NICOL1: variants seen among roughly 807,000 people sequenced by gnomAD.
NICOL1 encodes the protein NELL2 interacting cell ontogeny regulator 1.
chr4:2,042,052 G>C, the NICOL1 span: 1 of 1,475,330 alleles, frequency 6.8e-7, no homozygotes, highest in Non-Finnish European at 8.9e-7. Context: ...TGCTGGTCCC[G>C]GGGTCCCTGA....
At chr4:2,042,654 G>C in the NICOL1 span, 1 of 765,282 alleles carries the variant, frequency 1.3e-6, no homozygotes, top group Admixed American at 3.2e-5. Context: ...CTTTGGCACT[G>C]GGTGGACGGG....
chr4:2,039,128 T>G, the NICOL1 span, among the ~76,000 whole-genome samples: 3 of 152,164 alleles, frequency 2.0e-5, no homozygotes, highest in African/African-American at 7.2e-5. Context: ...AAAGAATACA[T>G]TATGGCTGAA....
the NICOL1 span, chr4:2,042,855 G>A: frequency 7.0e-7 from 1 of 1,430,184 alleles, no homozygotes; most frequent in Non-Finnish European, 9.2e-7. Context: ...GGTCCTCCCG[G>A]GCTTCCCAGG....
the NICOL1 span, among the ~76,000 whole-genome samples, chr4:2,040,008 A>T: frequency 6.6e-6 from 1 of 152,164 alleles, no homozygotes; most frequent in East Asian, 1.9e-4. Context: ...AAGGAAACAG[A>T]AACAACATCC....
the NICOL1 span, chr4:2,042,888 G>T: frequency 8.7e-7 from 1 of 1,151,076 alleles, no homozygotes; most frequent in South Asian, 1.6e-5. Flanking sequence ...CAGGGAGGAT[G>T]AGGAAGAGGC....
At chr4:2,038,830 G>A in the NICOL1 span, among the ~76,000 whole-genome samples, 1 of 152,130 alleles carries the variant, frequency 6.6e-6, no homozygotes, top group East Asian at 1.9e-4. Context: ...GTTATTTAGT[G>A]TCTTGCTATA....
the NICOL1 span, among the ~76,000 whole-genome samples, chr4:2,040,777 C>T: frequency 6.6e-6 from 1 of 152,182 alleles, no homozygotes; most frequent in South Asian, 2.1e-4. Flanking sequence ...GCGACCGGGT[C>T]CCCGAAGCCC....
At chr4:2,038,160 A>T in the NICOL1 span, among the ~76,000 whole-genome samples, 1 of 116,854 alleles carries the variant, frequency 8.6e-6, no homozygotes, top group African/African-American at 2.8e-5. Context: ...ATTTGTAGTT[A>T]AAAAAATGAT....
the NICOL1 span, among the ~76,000 whole-genome samples, chr4:2,043,048 G>T: frequency 8.5e-5 from 13 of 152,120 alleles, no homozygotes; most frequent in Admixed American, 8.5e-4. Context: ...TCTATTTCTA[G>T]CCCCTCCCCC....
At chr4:2,037,371 G>A in the NICOL1 span, among the ~76,000 whole-genome samples, 2 of 152,190 alleles carry the variant, frequency 1.3e-5, no homozygotes, top group Non-Finnish European at 2.9e-5. Flanking sequence ...CGGGATTGCA[G>A]GCTTGAGCCA....
chr4:2,036,826 T>C, the NICOL1 span, among the ~76,000 whole-genome samples: 1 of 151,294 alleles, frequency 6.6e-6, no homozygotes, highest in Non-Finnish European at 1.5e-5. Flanking sequence ...CTATGGGGAG[T>C]GAGTGTGTGG....
the NICOL1 span, among the ~76,000 whole-genome samples, chr4:2,041,110 T>C: frequency 7.7e-6 from 1 of 129,882 alleles, no homozygotes; most frequent in African/African-American, 2.9e-5. Flanking sequence ...GTGTGGTTAG[T>C]CCCTGAGCTC....
chr4:2,042,879 A>C, the NICOL1 span: 2 of 1,239,320 alleles, frequency 1.6e-6, no homozygotes, highest in Non-Finnish European at 1.1e-6. Flanking sequence ...TGGGGAGGGC[A>C]GGGAGGATGA....
At chr4:2,042,658 G>A in the NICOL1 span, 4 of 800,672 alleles carry the variant, frequency 5.0e-6, no homozygotes, top group East Asian at 1.3e-4. Context: ...GGCACTGGGT[G>A]GACGGGCCCA....
At chr4:2,042,638 T>A in the NICOL1 span, 1 of 639,752 alleles carries the variant, frequency 1.6e-6, no homozygotes, top group Non-Finnish European at 2.5e-6. Flanking sequence ...AGTGGGGACG[T>A]GCGCTCTTTG....
chr4:2,042,498 G>A, the NICOL1 span: 2 of 414,468 alleles, frequency 4.8e-6, no homozygotes, highest in African/African-American at 2.1e-5. Flanking sequence ...GGTGCCGGGG[G>A]CCGGGTTCCG....
chr4:2,037,036 C>T, the NICOL1 span, among the ~76,000 whole-genome samples: 7 of 151,984 alleles, frequency 4.6e-5, no homozygotes, highest in Non-Finnish European at 7.4e-5. Context: ...TCACGGAGGC[C>T]GACTTCCCCT....
At chr4:2,039,990 GATT>G in the NICOL1 span, among the ~76,000 whole-genome samples, 1 of 152,078 alleles carries the variant, frequency 6.6e-6, no homozygotes, top group Non-Finnish European at 1.5e-5. Context: ...TTCAAATATG[GATT>G]TAGGAAGGAA....
At chr4:2,041,848 T>C in the NICOL1 span, 3 of 838,702 alleles carry the variant, frequency 3.6e-6, no homozygotes, top group Non-Finnish European at 5.1e-6. Context: ...GCCTGGACGC[T>C]GCTCCCGGGG....
Sources: allele counts gnomAD v4.1 joint callset (sites outside exome capture counted in the v4.1 genomes callset), GRCh38; gene constraint gnomAD v4.1.1; transcripts MANE v1.5; gene names NCBI Gene and HGNC (gene_info 2026-07-23, HGNC 2026-07-21).